The following KIAA1217 variants were observed in gnomAD, a reference collection of about 807,000 sequenced individuals.
KIAA1217 encodes the protein sickle tail protein homolog.
Under a neutral mutation model 163.9 loss-of-function variants are expected in KIAA1217, and 88 were observed. The observed-to-expected ratio is 0.54, with a 90% confidence interval of 0.45 to 0.64. The LOEUF is 0.64. Among genes scored for constraint, KIAA1217 ranks in the 30% least tolerant of loss-of-function variants. The probability of loss-of-function intolerance (pLI) is 0.00; values close to 1 mark genes in which losing one functional copy is unlikely to be tolerated. For synonymous variants in KIAA1217, 903 were observed against 923.1 expected, an observed-to-expected ratio of 0.98 and a Z score of 0.39; for missense variants, 2,372 against 2,475.0, an observed-to-expected ratio of 0.96 and a Z score of 0.88.
chr10:24,367,850 C>T (rs2051003347), intron 2 of KIAA1217, among the ~76,000 whole-genome samples: 1 of 152,196 alleles, frequency 6.6e-6, no homozygotes, highest in South Asian at 2.1e-4. Context: ...GTGATTGAGG[C>T]ACAGAGAAGT....
At chr10:23,788,760 G>A (rs1261924769) in intron 1 of KIAA1217, among the ~76,000 whole-genome samples, 1 of 152,182 alleles carries the variant, frequency 6.6e-6, no homozygotes, top group African/African-American at 2.4e-5. Context: ...CTATCTGTAG[G>A]GGTAGGACAG....
Position 24,456,603 on chromosome 10 carries a change from C to A in KIAA1217, c.847-16625C>A, listed in dbSNP as rs189017215. Among the ~76,000 whole-genome samples the A allele has an allele frequency of 1.1e-3, 160 of 152,280 alleles. 2 individuals carry two copies. The highest frequency in any genetic ancestry group is 3.6e-3 in the African/African-American group (148 of 41,558). On this transcript the variant is annotated intron_variant, in intron 5 of 20. Transcript: ENST00000376454. ...AGAAGAGATTCCCAGCAGGGAAAAACCAAGCCCTTTGAGTCATAATCCAGT... is the reference window on the plus strand; with the variant it reads ...AGAAGAGATTCCCAGCAGGGAAAAAACAAGCCCTTTGAGTCATAATCCAGT...
chr10:24,383,940 A>C (rs973716092), intron 3 of KIAA1217, among the ~76,000 whole-genome samples: 2 of 152,222 alleles, frequency 1.3e-5, no homozygotes, highest in Non-Finnish European at 2.9e-5. Context: ...TGCTCAGCTT[A>C]GTCTTTGGGA....
intron 2 of KIAA1217, among the ~76,000 whole-genome samples, chr10:24,221,880 T>A (rs910156617): frequency 1.8e-4 from 27 of 152,108 alleles, no homozygotes; most frequent in Admixed American, 7.9e-4. Context: ...CAAAAAAATT[T>A]AAAAAAATTA....
At position 23,974,355 on chromosome 10, in the gene KIAA1217, C is replaced by A. The variant is rs144541450; in HGVS notation, c.-320-32870C>A. ...GCCTGGGCTTTATATTAGCTTATTT[C>A]CAGGTTTAATCCTGGTTCCTTCCTT... On this transcript the variant is annotated intron_variant, in intron 1 of 18. Coordinates refer to the KIAA1217 transcript ENST00000376462. Among the ~76,000 whole-genome samples, 136 of 152,286 alleles carry A rather than the reference C, an allele frequency of 8.9e-4. 1 individual carries two copies. Among genetic ancestry groups the A allele is most frequent in the African/African-American group, 3.1e-3 (127 of 41,550 alleles).
intron 2 of KIAA1217, among the ~76,000 whole-genome samples, chr10:24,336,340 C>G (rs967396125): frequency 6.6e-6 from 1 of 152,210 alleles, no homozygotes; most frequent in Admixed American, 6.5e-5. Flanking sequence ...GTATGGTAGA[C>G]AACACAAAAT....
chr10:24,033,940 G>GA (rs1219117750), intron 2 of KIAA1217, among the ~76,000 whole-genome samples: 1 of 152,178 alleles, frequency 6.6e-6, no homozygotes, highest in Non-Finnish European at 1.5e-5. Flanking sequence ...GCTCCTTACA[G>GA]AAAAAGTTTG....
At chr10:23,701,149 C>G (rs913686898) in intron 1 of KIAA1217, among the ~76,000 whole-genome samples, 1 of 152,182 alleles carries the variant, frequency 6.6e-6, no homozygotes, top group Non-Finnish European at 1.5e-5. Context: ...ATGGTGTCAT[C>G]TCAGTTCTCC....
chr10:23,708,045 A>G (rs1837002033), intron 1 of KIAA1217, among the ~76,000 whole-genome samples: 1 of 152,224 alleles, frequency 6.6e-6, no homozygotes, highest in Non-Finnish European at 1.5e-5. Context: ...AATAAGTTTA[A>G]TGGACTTACA....
At chr10:23,940,515 G>A (rs566837647) in intron 1 of KIAA1217, among the ~76,000 whole-genome samples, 90 of 146,186 alleles carry the variant, frequency 6.2e-4, no homozygotes, top group Admixed American at 2.0e-3. Flanking sequence ...TTCAGCAGTT[G>A]TTACTTAATC....
intron 1 of KIAA1217, among the ~76,000 whole-genome samples, chr10:23,883,101 T>C (rs1330568947): frequency 6.6e-6 from 1 of 151,936 alleles, no homozygotes; most frequent in African/African-American, 2.4e-5. Context: ...TAGGGATAGA[T>C]ATATTCCTTA....
At chr10:24,529,712 C>T (rs750194438) in intron 14 of KIAA1217, among the ~76,000 whole-genome samples, 8 of 151,894 alleles carry the variant, frequency 5.3e-5, no homozygotes, top group African/African-American at 9.7e-5. Context: ...GGGTCCTGGG[C>T]GGGGCGGCTC....
chr10:24,375,304 G>A (rs776331148), intron 2 of KIAA1217, among the ~76,000 whole-genome samples: 1 of 152,162 alleles, frequency 6.6e-6, no homozygotes, highest in Non-Finnish European at 1.5e-5. Context: ...GGACATTAAA[G>A]ACAGGAAACT....
At chr10:23,929,891 A>G (rs1437211879) in intron 1 of KIAA1217, among the ~76,000 whole-genome samples, 1 of 152,216 alleles carries the variant, frequency 6.6e-6, no homozygotes, top group African/African-American at 2.4e-5. Flanking sequence ...GCTGATTTCC[A>G]CAACGGCTGA....
At chr10:23,736,303 A>G (rs928275866) in intron 1 of KIAA1217, among the ~76,000 whole-genome samples, 1 of 152,162 alleles carries the variant, frequency 6.6e-6, no homozygotes, top group African/African-American at 2.4e-5. Context: ...GGTATGACAC[A>G]CAGATTTAAT....
At chr10:23,884,334 C>G (rs1216263123) in intron 1 of KIAA1217, among the ~76,000 whole-genome samples, 1 of 151,900 alleles carries the variant, frequency 6.6e-6, no homozygotes, top group African/African-American at 2.4e-5. Flanking sequence ...CCCATTGTTG[C>G]TTTAATTTGC....
At chr10:24,400,891 A>T (rs1298333288) in intron 3 of KIAA1217, among the ~76,000 whole-genome samples, 2 of 151,140 alleles carry the variant, frequency 1.3e-5, no homozygotes, top group African/African-American at 2.4e-5. Context: ...ATAGATGAGA[A>T]TTTTTCTAGA....
At chr10:24,458,508 C>T (rs1392632442) in intron 5 of KIAA1217, among the ~76,000 whole-genome samples, 1 of 152,272 alleles carries the variant, frequency 6.6e-6, no homozygotes, top group African/African-American at 2.4e-5. Context: ...AACCACTGCC[C>T]TCCTTTGAAG....
At chr10:24,090,878 A>T (rs1589455853) in intron 2 of KIAA1217, among the ~76,000 whole-genome samples, 1 of 151,900 alleles carries the variant, frequency 6.6e-6, no homozygotes, top group East Asian at 1.9e-4. Context: ...ACAATAGTCA[A>T]ATGTCATTGA....
Sources: gnomAD v4.1 joint callset for allele counts (sites outside exome capture counted in the v4.1 genomes callset) on GRCh38, gnomAD v4.1.1 for gene constraint, MANE v1.5 for transcripts, NCBI Gene and HGNC (gene_info 2026-07-23, HGNC 2026-07-21) for gene names.